The following SUPV3L1 variants were observed in gnomAD, a reference collection of about 807,000 sequenced individuals.
SUPV3L1 encodes ATP-dependent RNA helicase SUPV3L1, mitochondrial.
SUPV3L1 carries 35 observed loss-of-function variants against 70.0 expected under a neutral mutation model. The ratio of observed to expected loss-of-function variants is 0.50; its 90% CI spans 0.38 to 0.66. SUPV3L1 has a LOEUF of 0.66. Among genes scored for constraint, SUPV3L1 ranks in the 30% least tolerant of loss-of-function variants. SUPV3L1 has a pLI of 0.00. For synonymous variants in SUPV3L1, 364 were observed against 341.9 expected, an observed-to-expected ratio of 1.06 and a Z score of -0.71; for missense variants, 777 against 961.5, an observed-to-expected ratio of 0.81 and a Z score of 2.54.
At chr10:69,186,258 C>T (rs1013293789) in intron 2 of SUPV3L1, among the ~76,000 whole-genome samples, 185 bp from the exon 3 acceptor site, 34 of 144,482 alleles carry the variant, frequency 2.4e-4, no homozygotes, top group Admixed American at 3.5e-4. Context: ...GCTGCAGCTG[C>T]GGCCTTCCTT....
chr10:69,200,179 C>T (rs1163145296), intron 10 of SUPV3L1, 101 bp from the exon 11 acceptor site: 5 of 923,406 alleles, frequency 5.4e-6, no homozygotes, highest in Non-Finnish European at 8.1e-6. Flanking sequence ...GTCAAGGTTG[C>T]AAGAGGACCT....
chr10:69,198,494 T>C lies in SUPV3L1; in HGVS notation c.1146T>C (p.Ser382=). 6.2e-7 allele frequency: 1 copy of C among 1,614,098 alleles called. No individual in the cohort carries two copies. The highest frequency in any genetic ancestry group is 8.5e-7 in the Non-Finnish European group (1 of 1,180,004). ...GCAAGAATGATATTTATTCTGTGAG[T>C]CGGCAGATTGAAATTCGGGGATTAG... is the stretch of plus-strand genomic sequence containing the variant. ...CFSKNDIYSV[S]RQIEIRGLES... is the part of the protein sequence containing the mutation. Residue 382 remains serine (S), a synonymous_variant, in exon 9 of 15, where the codon AGT becomes AGC. Coordinates refer to ENST00000359655, the MANE Select transcript of SUPV3L1 (RefSeq NM_003171.5).
rs1428480732 is a variant in SUPV3L1, at chr10:69,201,800, A to G, written c.1519-639A>G. Among the ~76,000 whole-genome samples the G allele has an allele frequency of 4.0e-5, 6 of 151,688 alleles. No individual in the cohort carries two copies. In the East Asian group the frequency reaches 1.2e-3, roughly 29 times the overall value. On this transcript the variant is annotated intron_variant, in intron 11 of 14. Coordinates refer to ENST00000359655, the MANE Select transcript of SUPV3L1 (RefSeq NM_003171.5). ...GTAATCCTCCCACCTTGGCCTCCCA[A>G]AGTGTTGGGATTACAGGCATGAGCC...
intron 1 of SUPV3L1, among the ~76,000 whole-genome samples, chr10:69,180,865 C>G (rs1252450837): frequency 6.6e-6 from 1 of 152,204 alleles, no homozygotes; most frequent in Non-Finnish European, 1.5e-5. Flanking sequence ...TAGGTGGACG[C>G]CCGCTCTTTC....
At chr10:69,198,861 T>C (rs1254192892) in intron 9 of SUPV3L1, among the ~76,000 whole-genome samples, 1 of 152,208 alleles carries the variant, frequency 6.6e-6, no homozygotes, top group Non-Finnish European at 1.5e-5. Context: ...AGTCCTGAAA[T>C]CTGTGTCCTC....
rs200795704 is a variant in SUPV3L1, at chr10:69,197,068, G to T, written c.1008G>T (p.Thr336=). The change falls in exon 8 of 15, where the codon ACG becomes ACT. Residue 336 remains threonine, a synonymous_variant. Coordinates refer to ENST00000359655, the MANE Select transcript of SUPV3L1 (RefSeq NM_003171.5). ...IDLVMELMYT[T]GEEVEVRDYK... ...TGGTGATGGAGCTTATGTACACAAC[G>T]GGGGAGGAAGTGGAGGTATTCGATT... 10 of 1,613,986 alleles carry T rather than the reference G, an allele frequency of 6.2e-6. No homozygotes were observed. The South Asian group carries it at 1.1e-4, about 18-fold the overall frequency.
chr10:69,183,789 C>G (rs1842137351), intron 1 of SUPV3L1, among the ~76,000 whole-genome samples: 1 of 152,004 alleles, frequency 6.6e-6, no homozygotes, highest in Admixed American at 6.5e-5. Context: ...GTACAATCAT[C>G]ACCATAATTT....
chr10:69,204,232 A>G (rs567211429), intron 13 of SUPV3L1, among the ~76,000 whole-genome samples: 2 of 152,200 alleles, frequency 1.3e-5, no homozygotes, highest in South Asian at 4.1e-4. Context: ...TACCTTATAA[A>G]CATAACATGT....
chr10:69,196,418 A>G (rs1288024770), intron 7 of SUPV3L1, among the ~76,000 whole-genome samples: 1 of 152,084 alleles, frequency 6.6e-6, no homozygotes, highest in Admixed American at 6.5e-5. Flanking sequence ...TTGAGCCTGG[A>G]AAGGAGATAT....
At position 69,189,300 on chromosome 10, in the gene SUPV3L1, A is replaced by G; in HGVS notation, c.606A>G (p.Ile202Met). ...ATGCTAGAGCCATGCAGCGGAAGAT[A>G]ATATTTCATTCAGGCCCCACAAACA... ...YPDARAMQRK[I>M]IFHSGPTNSG... The change falls in exon 5 of 15, where the codon ATA (isoleucine) becomes ATG (methionine). Residue 202 changes from isoleucine to methionine, a missense_variant. Coordinates refer to ENST00000359655, the MANE Select transcript of SUPV3L1 (RefSeq NM_003171.5). 1.2e-6 allele frequency: 2 copies of G among 1,614,082 alleles called. No homozygotes were observed. The highest frequency in any genetic ancestry group is 2.7e-5 in the African/African-American group (2 of 75,042).
rs1172802426 is a variant in SUPV3L1 at position 69,199,120 on chromosome 10, A to G, written c.1221A>G (p.Gln407=). Residue 407 remains glutamine (Q), a synonymous_variant, in exon 10 of 15, where the codon CAA becomes CAG. Coordinates refer to ENST00000359655, the MANE Select transcript of SUPV3L1 (RefSeq NM_003171.5). ...TTGTTTTAGGGACCAAACTTGCTCA[A>G]GCAAAAAAGTTTAATGATCCCAATG... ...GSLPPGTKLA[Q]AKKFNDPNDP... 3.1e-6 allele frequency: 5 copies of G among 1,611,944 alleles called. No individual in the cohort carries two copies. The highest frequency in any genetic ancestry group is 1.1e-5 in the South Asian group (1 of 90,330).
In SUPV3L1 at chr10:69,189,438, C is replaced by T; in HGVS notation, c.741+3C>T. The T allele has an allele frequency of 2.5e-6, 4 of 1,570,236 alleles. No homozygotes were observed. Among genetic ancestry groups the T allele is most frequent in the South Asian group, 1.2e-5 (1 of 84,030 alleles). Reference sequence around the variant, plus strand: ...TCTTCGAAAAGAGTAATGCTGCTGTCAGTATATTACCAAATATTTGCTCAT... The same window carrying T: ...TCTTCGAAAAGAGTAATGCTGCTGTTAGTATATTACCAAATATTTGCTCAT... On this transcript the variant is annotated splice_donor_region_variant and intron_variant, in intron 5 of 14. Coordinates refer to ENST00000359655, the MANE Select transcript of SUPV3L1 (RefSeq NM_003171.5).
At chr10:69,181,694 T>C (rs891977975) in intron 1 of SUPV3L1, among the ~76,000 whole-genome samples, 1 of 152,172 alleles carries the variant, frequency 6.6e-6, no homozygotes, top group Non-Finnish European at 1.5e-5. Context: ...GAAAGGCAAA[T>C]GAGCCTGTGA....
In SUPV3L1 at chr10:69,202,050, A is replaced by C. The variant is rs77875936; in HGVS notation, c.1519-389A>C. On this transcript the variant is annotated intron_variant, in intron 11 of 14. Coordinates refer to ENST00000359655, the MANE Select transcript of SUPV3L1 (RefSeq NM_003171.5). ...GAGACGGGGTTTCACCATGTTGGGC[A>C]GGATGGTCTCAATCTCCTGACCTCG... Among the ~76,000 whole-genome samples the C allele has an allele frequency of 7.9e-4, 118 of 149,286 alleles. 1 individual carries two copies. In the East Asian group the frequency reaches 0.023, roughly 29 times the overall value.
chr10:69,202,128 C>A (rs185275251), intron 11 of SUPV3L1, among the ~76,000 whole-genome samples: 1 of 151,912 alleles, frequency 6.6e-6, no homozygotes, highest in Non-Finnish European at 1.5e-5. Flanking sequence ...CATGAGCCAC[C>A]ACACCCAGCC....
At chr10:69,184,858 C>G (rs907705195) in intron 1 of SUPV3L1, among the ~76,000 whole-genome samples, 8 of 152,178 alleles carry the variant, frequency 5.3e-5, no homozygotes, top group Admixed American at 6.5e-5. Context: ...TTCTGAATTT[C>G]ATGGGTAAAG....
chr10:69,201,466 T>C (rs1294206605), intron 11 of SUPV3L1, among the ~76,000 whole-genome samples: 3 of 152,150 alleles, frequency 2.0e-5, no homozygotes, highest in African/African-American at 4.8e-5. Flanking sequence ...GTTTTTCTTA[T>C]TCATTTTAAT....
In SUPV3L1 at chr10:69,191,756, T is replaced by C; in HGVS notation, c.843T>C (p.Val281=). ...CTTGTACAGTTGAGATGTGCAGTGT[T>C]ACAACTCCTTGTATGTATATGCTGT... is the stretch of plus-strand genomic sequence containing the variant. The part of the protein sequence containing the change: ...HVSCTVEMCS[V]TTPYEVAVID... Residue 281 remains valine (V), a synonymous_variant, in exon 6 of 15, where the codon GTT becomes GTC. Transcript: ENST00000359655. 1 of 1,612,638 alleles carries C rather than the reference T, an allele frequency of 6.2e-7. No homozygotes were observed. The highest frequency in any genetic ancestry group is 1.1e-5 in the South Asian group (1 of 91,052).
rs1045116161 is a variant in SUPV3L1, at chr10:69,180,270, C to T, written c.-22C>T. ...CCGCCGTGTCCGCGGCTGCGCCAGACAGTGTAGAACCTGCGGCCTCGATGT... is the reference window on the plus strand; with the variant it reads ...CCGCCGTGTCCGCGGCTGCGCCAGATAGTGTAGAACCTGCGGCCTCGATGT... On this transcript the variant is annotated 5_prime_UTR_variant, in exon 1 of 15. Coordinates refer to ENST00000359655, the MANE Select transcript of SUPV3L1 (RefSeq NM_003171.5). The T allele has an allele frequency of 3.1e-6, 5 of 1,605,586 alleles. No individual in the cohort carries two copies. The highest frequency in any genetic ancestry group is 1.7e-5 in the Admixed American group (1 of 59,400).
Sources: allele counts gnomAD v4.1 joint callset (sites outside exome capture counted in the v4.1 genomes callset), GRCh38; gene constraint gnomAD v4.1.1; transcripts MANE v1.5; gene names NCBI Gene and HGNC (gene_info 2026-07-23, HGNC 2026-07-21).